DZIP3: variants seen among roughly 807,000 people sequenced by gnomAD.
The protein encoded by DZIP3 is E3 ubiquitin-protein ligase DZIP3.
In DZIP3, 118 loss-of-function variants were observed where a neutral mutation model predicts 162.0. The ratio of observed to expected loss-of-function variants is 0.73; its 90% CI spans 0.63 to 0.85. The LOEUF (loss-of-function observed/expected upper bound fraction) is 0.85. DZIP3 is among the 40% of genes least tolerant of loss of function. DZIP3 has a pLI of 0.00. For missense variants in DZIP3, 1,331 were observed against 1,407.0 expected, an observed-to-expected ratio of 0.95 and a Z score of 0.86; for synonymous variants, 438 against 458.6, an observed-to-expected ratio of 0.96 and a Z score of 0.57.
At position 108,616,538 on chromosome 3, in the gene DZIP3, C is replaced by T. The variant is rs1328738444; in HGVS notation, c.259-3C>T. The T allele has an allele frequency of 6.3e-7, 1 of 1,596,418 alleles. No homozygotes were observed. Among genetic ancestry groups the T allele is most frequent in the Non-Finnish European group, 8.6e-7 (1 of 1,169,290 alleles). ...ACATTTTTAACTGAATAATTTTCCA[C>T]AGAGAGAAGTTGCAGCTAACAGCCA... On this transcript the variant is annotated splice_polypyrimidine_tract_variant and splice_region_variant and intron_variant, in intron 4 of 32. Transcript: ENST00000361582.
At chr3:108,671,615 CA>C (rs1397522544) in intron 22 of DZIP3, among the ~76,000 whole-genome samples, 6 of 151,812 alleles carry the variant, frequency 4.0e-5, no homozygotes, top group African/African-American at 1.5e-4. Context: ...AATAACCAGT[CA>C]AATATTTTAA....
chr3:108,612,072 T>G (rs920932033), intron 4 of DZIP3, among the ~76,000 whole-genome samples: 1 of 152,194 alleles, frequency 6.6e-6, no homozygotes, highest in Non-Finnish European at 1.5e-5. Flanking sequence ...ATTGTAGATT[T>G]CCATCTTGAA....
At chr3:108,629,031 C>A in intron 7 of DZIP3, 31 bp from the exon 8 acceptor site, 1 of 1,438,892 alleles carries the variant, frequency 6.9e-7, no homozygotes, top group South Asian at 1.3e-5. Context: ...CAGTCCCGTT[C>A]AAACTAACCT....
intron 8 of DZIP3, among the ~76,000 whole-genome samples, 163 bp downstream of exon 8, chr3:108,629,339 G>T (rs980500681): frequency 6.6e-6 from 1 of 152,122 alleles, no homozygotes; most frequent in African/African-American, 2.4e-5. Context: ...TCAACAAGGA[G>T]GGAGAAGTGA....
intron 4 of DZIP3, among the ~76,000 whole-genome samples, chr3:108,612,718 A>G (rs1008792275): frequency 3.3e-5 from 5 of 152,186 alleles, no homozygotes; most frequent in Admixed American, 3.3e-4. Context: ...TGTAAATGCT[A>G]TGTAAATAGT....
chr3:108,602,003 C>T (rs968022673), intron 1 of DZIP3, among the ~76,000 whole-genome samples: 3 of 152,144 alleles, frequency 2.0e-5, no homozygotes, highest in Non-Finnish European at 4.4e-5. Flanking sequence ...CCAATTAAAG[C>T]CTTCTTCCTA....
intron 17 of DZIP3, among the ~76,000 whole-genome samples, chr3:108,650,574 T>C (rs1042886636): frequency 2.6e-5 from 4 of 151,846 alleles, no homozygotes; most frequent in African/African-American, 9.7e-5. Flanking sequence ...TTTATAGTTT[T>C]ATTTTAATGA....
At chr3:108,682,133 C>T (rs1300072244) in intron 26 of DZIP3, among the ~76,000 whole-genome samples, 2 of 150,412 alleles carry the variant, frequency 1.3e-5, no homozygotes, top group Non-Finnish European at 2.9e-5. Flanking sequence ...CAAATGTTGG[C>T]GATGATGTGG....
rs1461480073 is a variant in DZIP3 at position 108,644,730 on chromosome 3, G to T, written c.1708G>T (p.Gly570Cys). Residue 570 changes from glycine to cysteine, a missense_variant, in exon 14 of 33, where the codon GGC becomes TGC. This residue lies in a region of DZIP3 where 1,278 missense variants were observed against 1,317.1 expected (regional missense o/e 0.97). Transcript: ENST00000361582. ...TTACCATCAGCTATCTGTCTACCTA[G>T]GCATACCAGTACCAGAAATCATACA... ...LDYHQLSVYLGIPVPEIIQRM... is the reference protein window; with the variant it reads ...LDYHQLSVYLCIPVPEIIQRM... The T allele has an allele frequency of 1.2e-6, 2 of 1,610,278 alleles. No individual in the cohort carries two copies. The highest frequency in any genetic ancestry group is 8.5e-7 in the Non-Finnish European group (1 of 1,179,338).
At chr3:108,631,752 T>C (rs1309665218) in intron 8 of DZIP3, among the ~76,000 whole-genome samples, 3 of 151,652 alleles carry the variant, frequency 2.0e-5, no homozygotes, top group African/African-American at 7.2e-5. Context: ...GATTTCATTC[T>C]GATTTTTAAA....
intron 3 of DZIP3, among the ~76,000 whole-genome samples, chr3:108,608,925 G>C (rs546220496): frequency 7.2e-5 from 11 of 152,260 alleles, no homozygotes; most frequent in African/African-American, 2.6e-4. Flanking sequence ...CTGGACAGGA[G>C]GGGGCATGGC....
intron 1 of DZIP3, among the ~76,000 whole-genome samples, chr3:108,597,137 CTTTTACAATTA>C: frequency 6.6e-6 from 1 of 152,184 alleles, no homozygotes; most frequent in East Asian, 1.9e-4. Flanking sequence ...ATTAATTCTC[CTTTTACAATTA>C]TTTTTCCTGT....
chr3:108,645,999 A>G (rs2107649500), intron 14 of DZIP3, among the ~76,000 whole-genome samples: 1 of 152,352 alleles, frequency 6.6e-6, no homozygotes, highest in South Asian at 2.1e-4. Context: ...AGTACACTGA[A>G]GAGCTTATTG....
At chr3:108,594,655 T>C (rs979602886) in intron 1 of DZIP3, among the ~76,000 whole-genome samples, 4 of 152,072 alleles carry the variant, frequency 2.6e-5, no homozygotes, top group African/African-American at 9.7e-5. Flanking sequence ...CTATGTGTTC[T>C]TTCCGTTTTG....
chr3:108,622,384 C>A (rs1187989215), intron 5 of DZIP3, among the ~76,000 whole-genome samples: 1 of 152,120 alleles, frequency 6.6e-6, no homozygotes, highest in Non-Finnish European at 1.5e-5. Context: ...TCTGTGTTAT[C>A]TTGAATTTCA....
In DZIP3 at chr3:108,688,105, C is replaced by CA. The variant is rs1559788433; in HGVS notation, c.3270+14dup. Reference sequence around the variant, plus strand: ...ACCCCAAAAAGTCTCAGGTAAAATGCAAAAACAACCAAAAAACCTGTATCT... The same window carrying CA: ...ACCCCAAAAAGTCTCAGGTAAAATGCAAAAAACAACCAAAAAACCTGTATCT... On this transcript the variant is annotated intron_variant, in intron 29 of 32. Coordinates refer to ENST00000361582, the MANE Select transcript of DZIP3 (RefSeq NM_014648.4). The CA allele has an allele frequency of 6.2e-7, 1 of 1,612,108 alleles. No homozygotes were observed. The highest frequency in any genetic ancestry group is 8.5e-7 in the Non-Finnish European group (1 of 1,178,964).
intron 5 of DZIP3, among the ~76,000 whole-genome samples, chr3:108,618,785 G>T (rs139354802): frequency 1.3e-5 from 2 of 151,994 alleles, no homozygotes; most frequent in Non-Finnish European, 1.5e-5. Context: ...CTTATGGGCC[G>T]GGCGCGGTGG....
intron 26 of DZIP3, among the ~76,000 whole-genome samples, 158 bp from the exon 27 acceptor site, chr3:108,684,057 AT>A (rs1944412905): frequency 4.0e-5 from 6 of 151,298 alleles, no homozygotes; most frequent in Admixed American, 3.3e-4. Flanking sequence ...CATATGTTTC[AT>A]TTTCTGACAT....
chr3:108,688,148 G>A (rs772213431), intron 29 of DZIP3, 52 bp downstream of exon 29: 240 of 1,592,932 alleles, frequency 1.5e-4, no homozygotes, highest in Non-Finnish European at 2.0e-4. Flanking sequence ...CTTAACTCTA[G>A]TAGTTAACTG....
Sources: allele counts gnomAD v4.1 joint callset (sites outside exome capture counted in the v4.1 genomes callset), GRCh38; gene constraint gnomAD v4.1.1; regional missense constraint gnomAD v4.1.1; transcripts MANE v1.5; gene names NCBI Gene and HGNC (gene_info 2026-07-23, HGNC 2026-07-21).